NOTCH3: variants seen among roughly 807,000 people sequenced by gnomAD.
NOTCH3 encodes the protein neurogenic locus notch homolog protein 3.
A neutral mutation model predicts 213.3 loss-of-function variants in NOTCH3; 86 were observed. The observed-to-expected ratio is 0.40, with a 90% CI of 0.34 to 0.48. NOTCH3 has a LOEUF of 0.48. Among genes scored for constraint, NOTCH3 ranks in the 20% least tolerant of loss-of-function variants. The pLI, the probability that NOTCH3 is intolerant of heterozygous loss-of-function variation, is 0.57. For synonymous variants in NOTCH3, 1,354 were observed against 1,355.9 expected, an observed-to-expected ratio of 1.00 and a Z score of 0.03; for missense variants, 2,783 against 3,272.6, an observed-to-expected ratio of 0.85 and a Z score of 3.65.
rs755797591 is a variant in NOTCH3, at chr19:15,189,322, G to A, written c.1143C>T (p.Pro381=). Residue 381 remains proline, a synonymous_variant, in exon 7 of 33, where the codon CCC becomes CCT. Coordinates refer to ENST00000263388, the MANE Select transcript of NOTCH3 (RefSeq NM_000435.3). ...GGTCACATGCCCCACCCGTGAAGCC[G>A]GGAGGACAGGTGCAAATGGCCCGGC... is the stretch of plus-strand genomic sequence containing the variant. ...VNGRAICTCP[P]GFTGGACDQD... 13 of 1,613,960 alleles carry A rather than the reference G, an allele frequency of 8.1e-6. No individual in the cohort carries two copies. The South Asian group carries it at 9.9e-5, about 12-fold the overall frequency.
At chr19:15,196,186 C>A (rs1195545960) in intron 2 of NOTCH3, among the ~76,000 whole-genome samples, 1 of 152,094 alleles carries the variant, frequency 6.6e-6, no homozygotes, top group Non-Finnish European at 1.5e-5. Context: ...GCTCCGGGCG[C>A]CGCGCGCGCC....
chr19:15,181,642 G>A lies in NOTCH3; in HGVS notation c.2726C>T (p.Thr909Ile). 13 of 1,551,964 alleles carry A rather than the reference G, an allele frequency of 8.4e-6. No homozygotes were observed. The highest frequency in any genetic ancestry group is 1.2e-5 in the South Asian group (1 of 84,130). Residue 909 changes from threonine to isoleucine, a missense_variant, in exon 17 of 33, where the codon ACC becomes ATC. By Grantham distance (89) the Thr-to-Ile change is moderately conservative (BLOSUM62 -1). This residue lies in a region of NOTCH3 where 861 missense variants were observed against 909.1 expected (regional missense o/e 0.95). Transcript: ENST00000263388. ...GTCTDHVASF[T>I]CTCPPGYGGF... is the part of the protein sequence containing the mutation. ...TCCGTAGCCTGGCGGGCAGGTGCAG[G>A]TGAAGGAGGCCACGTGGTCGGTACA...
Position 15,179,484 on chromosome 19 carries a change from A to G in NOTCH3, c.3340T>C (p.Tyr1114His), listed in dbSNP as rs199511490. ...TCGTCCTCACAGTTATCACCATTGT[A>G]GCCAGGAAGACACTTCAGTGGGGTA... ...GGYMCECLPG[Y>H]NGDNCEDDVD... The change falls in exon 21 of 33, where the codon TAC becomes CAC. Residue 1114 changes from tyrosine to histidine, a missense_variant. Tyr to His is a moderately conservative substitution (Grantham distance 83). Coordinates refer to ENST00000263388, the MANE Select transcript of NOTCH3 (RefSeq NM_000435.3). The G allele has an allele frequency of 2.5e-6, 4 of 1,614,004 alleles. No homozygotes were observed. The highest frequency in any genetic ancestry group is 8.5e-7 in the Non-Finnish European group (1 of 1,180,006).
At position 15,174,385 on chromosome 19, in the gene NOTCH3, C is replaced by T; in HGVS notation, c.4419G>A (p.Lys1473=). 1 of 1,532,458 alleles carries T rather than the reference C, an allele frequency of 6.5e-7. No homozygotes were observed. The highest frequency in any genetic ancestry group is 8.8e-7 in the Non-Finnish European group (1 of 1,134,770). 94.9% of individuals were successfully genotyped at this position (1,532,458 alleles called of 1,614,324 possible). A position where few individuals can be genotyped will look rare whatever the true frequency, so the allele number is the denominator to read the frequency against. Residue 1473 remains lysine (K), a synonymous_variant, in exon 25 of 33, where the codon AAG becomes AAA. Transcript: ENST00000263388. The part of the protein sequence containing the change: ...RERTCNPVYE[K]YCADHFADGR... ...CGTCGGCAAAGTGGTCGGCGCAGTA[C>T]TTCTCGTACACCGGGCTGGTGGGGA... is the stretch of plus-strand genomic sequence containing the variant.
chr19:15,178,327 G>A (rs1343433021), intron 23 of NOTCH3: 4 of 525,822 alleles, frequency 7.6e-6, no homozygotes, highest in African/African-American at 5.8e-5. Flanking sequence ...AGGAGGCCAC[G>A]CCCCCCAATC....
rs1487477774 is a variant in NOTCH3, at chr19:15,160,124, C to T, written c.*538G>A. 2.6e-5 allele frequency: 6 copies of T among 235,028 alleles called. No homozygotes were observed. Among genetic ancestry groups the T allele is most frequent in the East Asian group, 6.0e-5 (1 of 16,628 alleles). The allele number at this position is 235,028 out of a possible 1,614,324, so 14.6% of individuals were successfully genotyped here. The stretch of plus-strand genomic sequence containing the variant: ...ATACCTGGGTCGTGTACTCGGTACA[C>T]GGGATCCCAGTCATGCCTGTGTACT... On this transcript the variant is annotated 3_prime_UTR_variant, in exon 33 of 33. Coordinates refer to ENST00000263388, the MANE Select transcript of NOTCH3 (RefSeq NM_000435.3).
Position 15,191,950 on chromosome 19 carries a change from G to A in NOTCH3, c.679+10C>T, listed in dbSNP as rs975242904. On this transcript the variant is annotated intron_variant, in intron 4 of 32. Transcript: ENST00000263388. The stretch of plus-strand genomic sequence containing the variant: ...CACCCCTCTGACTCTCCTGAGTAGG[G>A]CTCACTCACCAGGAAGACAGGCACA... 1 of 1,613,362 alleles carries A rather than the reference G, an allele frequency of 6.2e-7. No homozygotes were observed. Among genetic ancestry groups the A allele is most frequent in the Non-Finnish European group, 8.5e-7 (1 of 1,180,036 alleles).
chr19:15,184,286 T>A lies in NOTCH3; in HGVS notation c.2566+9A>T. The A allele has an allele frequency of 6.2e-7, 1 of 1,613,238 alleles. No individual in the cohort carries two copies. The highest frequency in any genetic ancestry group is 8.5e-7 in the Non-Finnish European group (1 of 1,179,408). On this transcript the variant is annotated intron_variant, in intron 16 of 32. Transcript: ENST00000263388. ...AGAGCAGCACCCCCAAGAGCTCCCC[T>A]GCACTCACTGGGGTCACAGTCATTG...
rs1222928382 is a variant in NOTCH3 at position 15,181,662 on chromosome 19, G to A, written c.2706C>T (p.Thr902=). Residue 902 remains threonine, a synonymous_variant, in exon 17 of 33, where the codon ACC becomes ACT. Transcript: ENST00000263388. ...TGCAGGTGAAGGAGGCCACGTGGTC[G>A]GTACAGGTGCCCGGGCCGCAGGGGT... ...LSNPCGPGTC[T]DHVASFTCTC... 4 of 1,553,412 alleles carry A rather than the reference G, an allele frequency of 2.6e-6. No homozygotes were observed. Among genetic ancestry groups the A allele is most frequent in the Non-Finnish European group, 3.5e-6 (4 of 1,148,178 alleles).
Position 15,185,801 on chromosome 19 carries a change from T to C in NOTCH3, c.1952-122A>G. 1 of 934,762 alleles carries C rather than the reference T, an allele frequency of 1.1e-6. No individual in the cohort carries two copies. 57.9% of individuals were successfully genotyped at this position (934,762 alleles called of 1,614,324 possible). A position where few individuals can be genotyped will look rare whatever the true frequency, so the allele number is the denominator to read the frequency against. ...GCAATGACCTCTTTTTCATAACGCATCAGCTCTTGTGCAGATTAGGACACC... is the reference window on the plus strand; with the variant it reads ...GCAATGACCTCTTTTTCATAACGCACCAGCTCTTGTGCAGATTAGGACACC... On this transcript the variant is annotated intron_variant, in intron 12 of 32. Coordinates refer to ENST00000263388, the MANE Select transcript of NOTCH3 (RefSeq NM_000435.3). This position sits in a 1 kb window ranked among gnomAD's most constrained non-coding sequence, Gnocchi z 4.2.
chr19:15,198,016 C>T (rs2046983428), intron 1 of NOTCH3, among the ~76,000 whole-genome samples: 1 of 152,138 alleles, frequency 6.6e-6, no homozygotes, highest in Admixed American at 6.5e-5. Context: ...GTCTTCCTTT[C>T]CCTGATGGGC....
In NOTCH3 at chr19:15,161,752, A is replaced by G. The variant is rs781690450; in HGVS notation, c.5914-38T>C. The G allele has an allele frequency of 3.2e-6, 5 of 1,581,576 alleles. No homozygotes were observed. The South Asian group carries it at 5.6e-5, about 18-fold the overall frequency. On this transcript the variant is annotated intron_variant, in intron 32 of 32. Coordinates refer to ENST00000263388, the MANE Select transcript of NOTCH3 (RefSeq NM_000435.3). ...AACCCACAGAGGTCAGCGAAACCCC[A>G]GCTAACAGTAGCAAAGTCTTCCAGC...
At chr19:15,188,148 G>A (rs985608405) in intron 9 of NOTCH3, 87 bp downstream of exon 9, 18 of 1,094,708 alleles carry the variant, frequency 1.6e-5, no homozygotes, top group African/African-American at 1.2e-4. Flanking sequence ...TAAGTTATCC[G>A]CTAACGTGGT....
intron 24 of NOTCH3, among the ~76,000 whole-genome samples, chr19:15,176,762 TAA>T (rs61399527): frequency 0.016 from 912 of 55,610 alleles, 17 homozygotes; most frequent in African/African-American, 0.049. Context: ...GACCCTGTCT[TAA>T]AAAAAAAAAA....
Position 15,185,429 on chromosome 19 carries a change from GGC to G in NOTCH3, c.2145-23_2145-22del. 1 of 1,611,928 alleles carries G rather than the reference GGC, an allele frequency of 6.2e-7. No individual in the cohort carries two copies. Among genetic ancestry groups the G allele is most frequent in the Non-Finnish European group, 8.5e-7 (1 of 1,179,066 alleles). On this transcript the variant is annotated intron_variant, in intron 13 of 32. Coordinates refer to ENST00000263388, the MANE Select transcript of NOTCH3 (RefSeq NM_000435.3). This position sits in a 1 kb window ranked among gnomAD's most constrained non-coding sequence, Gnocchi z 4.2. ...GGAACCTGGCAGGGGAAGGTAGTCA[GGC>G]CAGGGAGGTGGGCCAGGGAGAGGGG...
chr19:15,188,880 G>T, intron 8 of NOTCH3, 109 bp downstream of exon 8: 2 of 1,087,840 alleles, frequency 1.8e-6, no homozygotes, highest in Non-Finnish European at 2.7e-6. Flanking sequence ...GTCTCTAAGG[G>T]TCCCACTCCA....
At chr19:15,199,740 G>GCCTGGT (rs1183073132) in intron 1 of NOTCH3, among the ~76,000 whole-genome samples, 2 of 152,174 alleles carry the variant, frequency 1.3e-5, no homozygotes, top group African/African-American at 2.4e-5. Flanking sequence ...GGCGGCTCCT[G>GCCTGGT]CCTGGTCCTG....
At chr19:15,164,238 T>G (rs1217533712) in intron 31 of NOTCH3, among the ~76,000 whole-genome samples, 3 of 151,812 alleles carry the variant, frequency 2.0e-5, no homozygotes, top group Non-Finnish European at 4.4e-5. Flanking sequence ...TTGTTTTTTG[T>G]TTTTTGTTTT....
chr19:15,169,082 T>C (rs1424379945), intron 28 of NOTCH3, among the ~76,000 whole-genome samples: 1 of 151,272 alleles, frequency 6.6e-6, no homozygotes, highest in Non-Finnish European at 1.5e-5. Flanking sequence ...CCTGGTGAGA[T>C]AGGGCCTTTA....
Sources: allele counts gnomAD v4.1 joint callset (sites outside exome capture counted in the v4.1 genomes callset), GRCh38; gene constraint gnomAD v4.1.1; regional missense constraint gnomAD v4.1.1; non-coding constraint Gnocchi (gnomAD v3.1); transcripts MANE v1.5; gene names NCBI Gene and HGNC (gene_info 2026-07-23, HGNC 2026-07-21).